The following MARCHF1 variants were observed in gnomAD, a reference collection of about 807,000 sequenced individuals.
MARCHF1 encodes the protein E3 ubiquitin-protein ligase MARCHF1.
In MARCHF1, 40 loss-of-function variants were observed where a neutral mutation model predicts 54.2. The ratio of observed to expected loss-of-function variants is 0.74; its 90% confidence interval spans 0.57 to 0.96. MARCHF1 has a LOEUF of 0.96. Ranked by LOEUF, MARCHF1 falls within the 40% of genes least tolerant of loss-of-function variation. The probability of loss-of-function intolerance (pLI) is 0.00; values close to 1 mark genes in which losing one functional copy is unlikely to be tolerated. For missense variants in MARCHF1, 586 were observed against 656.5 expected (o/e 0.89, Z 1.17); for synonymous variants, 236 against 236.3 (o/e 1.00, Z 0.01).
At chr4:164,070,873 G>T (rs1222645023) in intron 2 of MARCHF1, among the ~76,000 whole-genome samples, 1 of 152,158 alleles carries the variant, frequency 6.6e-6, no homozygotes, top group African/African-American at 2.4e-5. Context: ...AGTCCCACAA[G>T]TTGTGGGAGG....
At chr4:164,030,582 T>C (rs531243535) in intron 2 of MARCHF1, among the ~76,000 whole-genome samples, 280 of 152,286 alleles carry the variant, frequency 1.8e-3, no homozygotes, top group Non-Finnish European at 3.7e-3. Context: ...TCATTTTTAA[T>C]AACAATAAAA....
At chr4:163,555,842 C>A in intron 8 of MARCHF1, 1 of 432,442 alleles carries the variant, frequency 2.3e-6, no homozygotes, top group Non-Finnish European at 4.7e-6. Context: ...GGCTCTTCGC[C>A]TCTTACCTCT....
intron 3 of MARCHF1, among the ~76,000 whole-genome samples, chr4:163,891,115 A>G (rs1487786835): frequency 6.6e-6 from 1 of 152,110 alleles, no homozygotes; most frequent in African/African-American, 2.4e-5. Context: ...AAGGTCCCCA[A>G]ATCTTGTCAG....
chr4:164,258,391 TATAATAATAATAATA>T (rs201820317), intron 1 of MARCHF1, among the ~76,000 whole-genome samples: 1 of 145,940 alleles, frequency 6.9e-6, no homozygotes, highest in Non-Finnish European at 1.5e-5. Context: ...GAACTTAAAG[TATAATAATAATAATA>T]ATAATAATAA....
chr4:164,332,165 C>A (rs1462931190), intron 1 of MARCHF1, among the ~76,000 whole-genome samples: 1 of 152,134 alleles, frequency 6.6e-6, no homozygotes, highest in Non-Finnish European at 1.5e-5. Context: ...TGGGCTAGAA[C>A]CTGCCTCCGT....
At chr4:164,229,269 G>C (rs1256611099) in intron 1 of MARCHF1, among the ~76,000 whole-genome samples, 4 of 152,308 alleles carry the variant, frequency 2.6e-5, no homozygotes, top group South Asian at 2.1e-4. Flanking sequence ...AATGCTGGTT[G>C]CAATTTCAGA....
At chr4:163,749,352 C>A (rs1746453713) in intron 4 of MARCHF1, among the ~76,000 whole-genome samples, 1 of 151,534 alleles carries the variant, frequency 6.6e-6, no homozygotes, top group Non-Finnish European at 1.5e-5. Flanking sequence ...TTGGAATACC[C>A]TTGCAAACAA....
chr4:163,890,114 T>C (rs1436601454), intron 3 of MARCHF1, among the ~76,000 whole-genome samples: 3 of 150,902 alleles, frequency 2.0e-5, no homozygotes, highest in Non-Finnish European at 3.0e-5. Flanking sequence ...TTTTGTATTT[T>C]TAGTAGAGAC....
chr4:163,669,850 G>A (rs992889530), intron 5 of MARCHF1, among the ~76,000 whole-genome samples: 2 of 151,956 alleles, frequency 1.3e-5, no homozygotes, highest in African/African-American at 4.8e-5. Flanking sequence ...TGCCCACCTC[G>A]GCCTCCCAAA....
Position 163,834,291 on chromosome 4 carries a change from AC to A in MARCHF1, c.111+19729del, listed in dbSNP as rs1367045629. Among the ~76,000 whole-genome samples the A allele has an allele frequency of 1.3e-3, 204 of 152,160 alleles. 1 individual carries two copies. Among genetic ancestry groups the A allele is most frequent in the African/African-American group, 4.8e-3 (200 of 41,538 alleles). On this transcript the variant is annotated intron_variant, in intron 4 of 9. Coordinates refer to ENST00000514618, the MANE Select transcript of MARCHF1 (RefSeq NM_001394959.1). ...GACAAAAACCTGCCAAAAAAAAAAA[AC>A]ATTACTAACTGAGAAATTGTGTAGA...
At chr4:164,058,866 G>T (rs962143197) in intron 2 of MARCHF1, among the ~76,000 whole-genome samples, 5 of 152,190 alleles carry the variant, frequency 3.3e-5, no homozygotes, top group Non-Finnish European at 7.3e-5. Context: ...TCACAATGAT[G>T]CCTGTTGAAC....
intron 1 of MARCHF1, among the ~76,000 whole-genome samples, chr4:164,113,746 A>T (rs368271860): frequency 6.6e-6 from 1 of 152,026 alleles, no homozygotes; most frequent in East Asian, 1.9e-4. Context: ...ACCATTAGAC[A>T]TGAGATTTAT....
At chr4:163,857,440 T>C (rs1228515152) in intron 3 of MARCHF1, among the ~76,000 whole-genome samples, 1 of 152,100 alleles carries the variant, frequency 6.6e-6, no homozygotes, top group Non-Finnish European at 1.5e-5. Context: ...TAAGCATTTA[T>C]AATTAACCCC....
At chr4:163,993,277 T>C (rs1344715669) in intron 2 of MARCHF1, among the ~76,000 whole-genome samples, 2 of 152,134 alleles carry the variant, frequency 1.3e-5, no homozygotes. Context: ...ATTTCTAAAA[T>C]GCTTGTATGT....
chr4:164,215,707 G>C (rs781010198), intron 1 of MARCHF1, among the ~76,000 whole-genome samples: 1 of 152,278 alleles, frequency 6.6e-6, no homozygotes, highest in East Asian at 1.9e-4. Flanking sequence ...AAATTTAAAA[G>C]ATTTAGGAGG....
chr4:163,646,704 CTGT>C (rs1185230989), intron 5 of MARCHF1, among the ~76,000 whole-genome samples: 1 of 151,962 alleles, frequency 6.6e-6, no homozygotes, highest in Non-Finnish European at 1.5e-5. Flanking sequence ...TTAATATAAC[CTGT>C]TGTTAAAGAT....
intron 1 of MARCHF1, among the ~76,000 whole-genome samples, chr4:164,281,313 C>T (rs909187044): frequency 2.6e-5 from 4 of 152,132 alleles, no homozygotes; most frequent in Non-Finnish European, 4.4e-5. Flanking sequence ...ATATACAAAT[C>T]ATACTGCCTT....
Position 164,101,421 on chromosome 4 carries a change from C to T in MARCHF1, c.-248+10167G>A, listed in dbSNP as rs374659934. The stretch of plus-strand genomic sequence containing the variant: ...CAGCACGCAGCTGGAGATCTGAGAA[C>T]GGGCAGACTGCCTCCTCAAGTGGGT... On this transcript the variant is annotated intron_variant, in intron 2 of 9. Transcript: ENST00000514618. 6.5e-4 allele frequency among the ~76,000 whole-genome samples: 78 copies of T among 120,094 alleles called. No individual in the cohort carries two copies. In the East Asian group the frequency reaches 0.013, roughly 20 times the overall value. The allele number at this position is 120,094 out of a possible 152,430, so 78.8% of individuals were successfully genotyped here.
chr4:164,371,275 A>C lies in MARCHF1; in HGVS notation c.-323+12595T>G, dbSNP rs148427645. On this transcript the variant is annotated intron_variant, in intron 1 of 9. Transcript: ENST00000514618. Reference sequence around the variant, plus strand: ...AAAATTAATTCCAACTGGGCCAAAGACCATAATGCTAAACATGTTAAAGCT... The same window carrying C: ...AAAATTAATTCCAACTGGGCCAAAGCCCATAATGCTAAACATGTTAAAGCT... 2.3e-3 allele frequency among the ~76,000 whole-genome samples: 349 copies of C among 152,324 alleles called. 1 individual carries two copies. The highest frequency in any genetic ancestry group is 3.9e-3 in the Admixed American group (60 of 15,308).
Sources: allele counts gnomAD v4.1 joint callset (sites outside exome capture counted in the v4.1 genomes callset), GRCh38; gene constraint gnomAD v4.1.1; transcripts MANE v1.5; gene names NCBI Gene and HGNC (gene_info 2026-07-23, HGNC 2026-07-21).